ZNF541: variants seen among roughly 807,000 people sequenced by gnomAD.
ZNF541 encodes the protein zinc finger protein 541.
Under a neutral mutation model 123.5 loss-of-function variants are expected in ZNF541, and 23 were observed. That is an observed-to-expected ratio of 0.19 (90% CI 0.13 to 0.26). The LOEUF is 0.26. Ranked by LOEUF, ZNF541 falls within the 10% of genes least tolerant of loss-of-function variation. ZNF541 has a pLI of 1.00. For synonymous variants in ZNF541, 751 were observed against 754.5 expected, an observed-to-expected ratio of 1.00 and a Z score of 0.08; for missense variants, 1,612 against 1,789.9, an observed-to-expected ratio of 0.90 and a Z score of 1.79.
At position 47,545,738 on chromosome 19, in the gene ZNF541, G is replaced by T; in HGVS notation, c.791C>A (p.Ser264Tyr). ...CCGGTGGGGCAGGAGGGAGCCGGGG[G>T]ACCTGGCCTCTGGGGGCACCAGGGA... ...LRSLVPPEARSPGSLLPHRDL... is the reference protein window; with the variant it reads ...LRSLVPPEARYPGSLLPHRDL... Residue 264 changes from serine to tyrosine, a missense_variant, in exon 5 of 17, where the codon TCC becomes TAC. This residue lies in a region of ZNF541 where 1,080 missense variants were observed against 1,013.8 expected (regional missense o/e 1.07). Coordinates refer to ENST00000391901, the MANE Select transcript of ZNF541 (RefSeq NM_001277075.3). This position sits in a 1 kb window ranked among gnomAD's most constrained non-coding sequence, Gnocchi z 7.5. 1 of 1,544,910 alleles carries T rather than the reference G, an allele frequency of 6.5e-7. No individual in the cohort carries two copies. The highest frequency in any genetic ancestry group is 8.7e-7 in the Non-Finnish European group (1 of 1,146,398).
chr19:47,534,214 A>G (rs1051137234), intron 9 of ZNF541, among the ~76,000 whole-genome samples: 3 of 152,238 alleles, frequency 2.0e-5, no homozygotes, highest in African/African-American at 7.2e-5. Context: ...GTAAACTTGA[A>G]GACAGATCAG....
chr19:47,567,691 A>G (rs1657624066), intron 2 of ZNF541, among the ~76,000 whole-genome samples: 2 of 152,242 alleles, frequency 1.3e-5, no homozygotes, highest in South Asian at 4.1e-4. Flanking sequence ...AAGATCTGCC[A>G]ATGCTGAGTC....
chr19:47,544,111 A>G lies in ZNF541; in HGVS notation c.2403+15T>C. The G allele has an allele frequency of 6.5e-7, 1 of 1,536,066 alleles. No individual in the cohort carries two copies. ...CACTCCACTCTGGTCAGGCCACGTGAGAGAGAGCTGGTACCTGGATTCTGC... is the reference window on the plus strand; with the variant it reads ...CACTCCACTCTGGTCAGGCCACGTGGGAGAGAGCTGGTACCTGGATTCTGC... On this transcript the variant is annotated intron_variant, in intron 5 of 16. Coordinates refer to ENST00000391901, the MANE Select transcript of ZNF541 (RefSeq NM_001277075.3).
At chr19:47,539,684 G>T in intron 8 of ZNF541, 21 bp downstream of exon 8, 1 of 1,381,774 alleles carries the variant, frequency 7.2e-7, no homozygotes, top group Non-Finnish European at 9.4e-7. Flanking sequence ...GCAGGAAGGA[G>T]GCAGGCCGAC....
At chr19:47,563,978 T>C (rs1457496994) in intron 2 of ZNF541, among the ~76,000 whole-genome samples, 2 of 152,280 alleles carry the variant, frequency 1.3e-5, no homozygotes, top group East Asian at 3.9e-4. Flanking sequence ...ATTAACTTAC[T>C]TCTCACAAAA....
In ZNF541 at chr19:47,544,718, AGTG is replaced by A; in HGVS notation, c.1808_1810del (p.Pro603del). ...GTGGAGAGAGTCCACAGCAGGAGCC[AGTG>A]GTGGGGGCTGCTGCGGCCACGGCCC... On this transcript the variant is annotated inframe_deletion, in exon 5 of 17. Coordinates refer to ENST00000391901, the MANE Select transcript of ZNF541 (RefSeq NM_001277075.3). 1 of 1,506,426 alleles carries A rather than the reference AGTG, an allele frequency of 6.6e-7. No homozygotes were observed. Among genetic ancestry groups the A allele is most frequent in the South Asian group, 1.3e-5 (1 of 78,840 alleles). 93.3% of individuals were successfully genotyped at this position (1,506,426 alleles called of 1,614,324 possible). A position where few individuals can be genotyped will look rare whatever the true frequency, so the allele number is the denominator to read the frequency against.
intron 2 of ZNF541, among the ~76,000 whole-genome samples, chr19:47,565,035 T>C (rs1210506243): frequency 6.6e-6 from 1 of 152,158 alleles, no homozygotes; most frequent in Non-Finnish European, 1.5e-5. Context: ...CTATTATTCT[T>C]CTAAGTGAAG....
intron 2 of ZNF541, among the ~76,000 whole-genome samples, chr19:47,568,873 T>C (rs528729151): frequency 9.7e-4 from 148 of 152,258 alleles, no homozygotes; most frequent in African/African-American, 3.2e-3. Flanking sequence ...GGTTTCACTA[T>C]GTTGGCCAGG....
chr19:47,544,186 T>C lies in ZNF541; in HGVS notation c.2343A>G (p.Ser781=), dbSNP rs749225796. 2.0e-5 allele frequency: 31 copies of C among 1,551,634 alleles called. No homozygotes were observed. The highest frequency in any genetic ancestry group is 3.3e-4 in the Middle Eastern group (2 of 6,014). Residue 781 remains serine (S), a synonymous_variant, in exon 5 of 17, where the codon TCA becomes TCG. Transcript: ENST00000391901. ...AGGGATCTGCCGGGGGCCCGGCCGA[T>C]GAGAAGGAGGCCATGGCTACCTGGC... ...SPSQVAMASF[S]SAGPPADPSK... is the part of the protein sequence containing the mutation.
chr19:47,549,489 A>G lies in ZNF541; in HGVS notation c.308-4T>C, dbSNP rs779761168. 30 of 1,551,810 alleles carry G rather than the reference A, an allele frequency of 1.9e-5. No individual in the cohort carries two copies. In the East Asian group the frequency reaches 6.4e-4, roughly 33 times the overall value. On this transcript the variant is annotated splice_polypyrimidine_tract_variant and splice_region_variant and intron_variant, in intron 3 of 16. Transcript: ENST00000391901. ...TTAAGCACACCTAGCCCCAGGTCTA[A>G]ACAGAGGGAGAAAGCACAGGTTATA...
intron 9 of ZNF541, 102 bp downstream of exon 9, chr19:47,538,040 G>T (rs1277590286): frequency 2.2e-6 from 3 of 1,355,868 alleles, no homozygotes; most frequent in Non-Finnish European, 3.0e-6. Context: ...GGTACACCCA[G>T]GCAGGAGACA....
Position 47,528,987 on chromosome 19 carries a change from T to C in ZNF541, c.3533A>G (p.Tyr1178Cys), listed in dbSNP as rs1424007946. 3.9e-6 allele frequency: 6 copies of C among 1,551,604 alleles called. No homozygotes were observed. The highest frequency in any genetic ancestry group is 1.7e-4 in the Middle Eastern group (1 of 5,992). ...CAAGTAGAAGTCCTTCTTGTGGGCATAGAACGCCTTCTTAAAAAGCCTCTT... is the reference window on the plus strand; with the variant it reads ...CAAGTAGAAGTCCTTCTTGTGGGCACAGAACGCCTTCTTAAAAAGCCTCTT... ...IEKRLFKKAFYAHKKDFYLIH... is the reference protein window; with the variant it reads ...IEKRLFKKAFCAHKKDFYLIH... Residue 1178 changes from tyrosine to cysteine, a missense_variant, in exon 14 of 17, where the codon TAT (tyrosine) becomes TGT (cysteine). Physicochemically the swap from Tyr to Cys is radical, Grantham distance 194 (BLOSUM62 -2). Coordinates refer to ENST00000391901, the MANE Select transcript of ZNF541 (RefSeq NM_001277075.3).
intron 4 of ZNF541, among the ~76,000 whole-genome samples, chr19:47,547,272 A>G (rs1457851957): frequency 1.3e-5 from 2 of 152,134 alleles, no homozygotes; most frequent in East Asian, 3.8e-4. Context: ...CCCCACAGCA[A>G]AGAAGCCAAT....
chr19:47,526,209 C>T (rs1223112956), intron 14 of ZNF541, among the ~76,000 whole-genome samples: 2 of 151,356 alleles, frequency 1.3e-5, no homozygotes, highest in African/African-American at 2.4e-5. Context: ...CGGCTGGGCG[C>T]GGTGGCTCAC....
rs1330675264 is a variant in ZNF541 at position 47,555,563 on chromosome 19, C to T, written c.294G>A (p.Gln98=). ...LLEEYADSES[Q]ASLQDLGLGV... ...TGACAGCCTCACCTTGTAAGGATGC[C>T]TGAGACTCCGAATCTGCGTACTCCT... Residue 98 remains glutamine (Q), a synonymous_variant, in exon 3 of 17, where the codon CAG becomes CAA. Coordinates refer to ENST00000391901, the MANE Select transcript of ZNF541 (RefSeq NM_001277075.3). 3 of 1,543,880 alleles carry T rather than the reference C, an allele frequency of 1.9e-6. No homozygotes were observed. Among genetic ancestry groups the T allele is most frequent in the Non-Finnish European group, 1.8e-6 (2 of 1,141,570 alleles).
At position 47,539,769 on chromosome 19, in the gene ZNF541, G is replaced by C. The variant is rs1487112729; in HGVS notation, c.2732C>G (p.Pro911Arg). 1.4e-6 allele frequency: 2 copies of C among 1,472,114 alleles called. No individual in the cohort carries two copies. Among genetic ancestry groups the C allele is most frequent in the Non-Finnish European group, 1.8e-6 (2 of 1,118,868 alleles). The allele number at this position is 1,472,114 out of a possible 1,614,324, so 91.2% of individuals were successfully genotyped here. A position where few individuals can be genotyped will look rare whatever the true frequency, so the allele number is the denominator to read the frequency against. ...KKPLDPTAAA[P>R]LVVPQSIPVV... The stretch of plus-strand genomic sequence containing the variant: ...GGGGATCGATTGGGGGACCACCAAA[G>C]GGGCTGCAGCTGTGGGGTCCAAGGG... The change falls in exon 8 of 17, where the codon CCT becomes CGT. Residue 911 changes from proline to arginine, a missense_variant. Pro to Arg is a moderately radical substitution (Grantham distance 103, BLOSUM62 -2). This residue lies in a region of ZNF541 where 1,080 missense variants were observed against 1,013.8 expected (regional missense o/e 1.07). Coordinates refer to ENST00000391901, the MANE Select transcript of ZNF541 (RefSeq NM_001277075.3).
At chr19:47,536,501 G>T (rs1969827749) in intron 9 of ZNF541, among the ~76,000 whole-genome samples, 1 of 152,172 alleles carries the variant, frequency 6.6e-6, no homozygotes, top group African/African-American at 2.4e-5. Flanking sequence ...GCCTCCCAAA[G>T]TGCTAGGATT....
chr19:47,527,919 G>A (rs1039937393), intron 14 of ZNF541, among the ~76,000 whole-genome samples: 19 of 148,484 alleles, frequency 1.3e-4, no homozygotes, highest in African/African-American at 4.7e-4. Context: ...GGCTGGTCTC[G>A]AACTCCCAAC....
chr19:47,553,624 T>C (rs1489312779), intron 3 of ZNF541, among the ~76,000 whole-genome samples: 2 of 152,078 alleles, frequency 1.3e-5, no homozygotes, highest in Non-Finnish European at 2.9e-5. Flanking sequence ...CAGGATGGTC[T>C]TGAACTCCTG....
Sources: gnomAD v4.1 joint callset for allele counts (sites outside exome capture counted in the v4.1 genomes callset) on GRCh38, gnomAD v4.1.1 for gene constraint, gnomAD v4.1.1 regional missense constraint, Gnocchi (gnomAD v3.1) non-coding constraint, MANE v1.5 for transcripts, NCBI Gene and HGNC (gene_info 2026-07-23, HGNC 2026-07-21) for gene names.